PRKD1: variants seen among roughly 807,000 people sequenced by gnomAD.
PRKD1 encodes the protein serine/threonine-protein kinase D1.
PRKD1 carries 63 observed loss-of-function variants against 95.9 expected under a neutral mutation model. The observed-to-expected ratio is 0.66, with a 90% CI of 0.54 to 0.81. PRKD1 has a LOEUF of 0.81. Among genes scored for constraint, PRKD1 ranks in the 30% least tolerant of loss-of-function variants. The pLI is 0.00. For synonymous variants in PRKD1, 425 were observed against 423.1 expected, an observed-to-expected ratio of 1.00 and a Z score of -0.05; for missense variants, 1,048 against 1,165.3, an observed-to-expected ratio of 0.90 and a Z score of 1.47.
intron 1 of PRKD1, among the ~76,000 whole-genome samples, chr14:29,824,822 T>G (rs1379929836): frequency 1.3e-5 from 2 of 152,096 alleles, no homozygotes; most frequent in African/African-American, 4.8e-5. Context: ...TGAGGATATG[T>G]CTTACTTATA....
chr14:29,792,597 A>G (rs1457316750), intron 1 of PRKD1, among the ~76,000 whole-genome samples: 1 of 152,138 alleles, frequency 6.6e-6, no homozygotes, highest in East Asian at 1.9e-4. Context: ...CATTATAAAT[A>G]AGTCAACAAA....
chr14:29,699,637 TTAAA>T (rs1157416135), intron 2 of PRKD1, among the ~76,000 whole-genome samples: 2 of 152,208 alleles, frequency 1.3e-5, no homozygotes, highest in Non-Finnish European at 2.9e-5. Context: ...GTTTAGGAGT[TTAAA>T]TATTTGAGTA....
At chr14:29,806,478 C>T (rs45440892) in intron 1 of PRKD1, among the ~76,000 whole-genome samples, 212 of 152,198 alleles carry the variant, frequency 1.4e-3, no homozygotes, top group Admixed American at 3.1e-3. Context: ...ACAAGTAGAT[C>T]CAATCTGAAA....
At chr14:29,597,353 T>C in intron 16 of PRKD1, 138 bp downstream of exon 16, 1 of 870,022 alleles carries the variant, frequency 1.1e-6, no homozygotes, top group Non-Finnish European at 1.6e-6. Flanking sequence ...AATTAATTCG[T>C]GTCTTTGTGT....
intron 1 of PRKD1, among the ~76,000 whole-genome samples, chr14:29,817,709 C>T (rs1328708782): frequency 6.6e-6 from 1 of 152,074 alleles, no homozygotes; most frequent in Non-Finnish European, 1.5e-5. Flanking sequence ...GATTTGAACC[C>T]AAGCAGCAAG....
intron 16 of PRKD1, among the ~76,000 whole-genome samples, chr14:29,590,271 T>C (rs1893082404): frequency 6.6e-6 from 1 of 152,228 alleles, no homozygotes; most frequent in African/African-American, 2.4e-5. Context: ...ATCTTATTGT[T>C]TTCCTCCTTC....
At chr14:29,822,340 CT>C (rs1480524945) in intron 1 of PRKD1, among the ~76,000 whole-genome samples, 3 of 152,316 alleles carry the variant, frequency 2.0e-5, no homozygotes, top group Non-Finnish European at 4.4e-5. Flanking sequence ...TGAATTTCAT[CT>C]TACGGGCATT....
At chr14:29,746,696 G>C (rs1157078374) in intron 1 of PRKD1, among the ~76,000 whole-genome samples, 2 of 152,092 alleles carry the variant, frequency 1.3e-5, no homozygotes, top group Non-Finnish European at 2.9e-5. Context: ...TAAGTAGCTA[G>C]CATATTTTCA....
At chr14:29,757,438 C>T (rs1480817383) in intron 1 of PRKD1, among the ~76,000 whole-genome samples, 1 of 152,042 alleles carries the variant, frequency 6.6e-6, no homozygotes, top group Non-Finnish European at 1.5e-5. Context: ...TGAAGCATGA[C>T]ATGTAGCTGA....
intron 2 of PRKD1, among the ~76,000 whole-genome samples, chr14:29,699,288 A>C (rs1884702652): frequency 6.6e-6 from 1 of 152,174 alleles, no homozygotes; most frequent in Non-Finnish European, 1.5e-5. Flanking sequence ...ACAGTTTGTG[A>C]GGCTGCATAT....
At chr14:29,910,000 G>A (rs562362210) in intron 1 of PRKD1, among the ~76,000 whole-genome samples, 57 of 152,270 alleles carry the variant, frequency 3.7e-4, no homozygotes, top group Non-Finnish European at 7.4e-4. Context: ...CTGTAAAATG[G>A]ACCAATCAGC....
chr14:29,616,061 G>T (rs1320690276), intron 13 of PRKD1, among the ~76,000 whole-genome samples: 1 of 151,940 alleles, frequency 6.6e-6, no homozygotes, highest in Admixed American at 6.6e-5. Context: ...TCTCAAAATG[G>T]ATGACCTCGC....
At chr14:29,593,317 C>A (rs1317174775) in intron 16 of PRKD1, among the ~76,000 whole-genome samples, 3 of 152,082 alleles carry the variant, frequency 2.0e-5, no homozygotes, top group Non-Finnish European at 4.4e-5. Context: ...TCAAATCATA[C>A]CTTATTTTGC....
At chr14:29,706,268 C>A (rs560470978) in intron 2 of PRKD1, among the ~76,000 whole-genome samples, 291 of 152,198 alleles carry the variant, frequency 1.9e-3, no homozygotes, top group Admixed American at 4.3e-3. Context: ...TATTCAAATT[C>A]TTTGCCCATT....
At chr14:29,832,745 A>C (rs1891463206) in intron 1 of PRKD1, among the ~76,000 whole-genome samples, 1 of 152,096 alleles carries the variant, frequency 6.6e-6, no homozygotes, top group Non-Finnish European at 1.5e-5. Context: ...TTTAAGTGGA[A>C]CTATCCTTTC....
intron 1 of PRKD1, among the ~76,000 whole-genome samples, chr14:29,913,324 T>C (rs1305781511): frequency 6.6e-6 from 1 of 152,246 alleles, no homozygotes; most frequent in Non-Finnish European, 1.5e-5. Flanking sequence ...ATAAAATGTG[T>C]GCCCTAAGTC....
At chr14:29,626,135 C>T (rs978350724) in intron 12 of PRKD1, among the ~76,000 whole-genome samples, 9 of 152,034 alleles carry the variant, frequency 5.9e-5, no homozygotes, top group South Asian at 2.1e-4. Context: ...TGATCAAGTA[C>T]GCCAAAAGAA....
chr14:29,740,055 A>G (rs149743228), intron 1 of PRKD1, among the ~76,000 whole-genome samples: 19 of 152,316 alleles, frequency 1.2e-4, no homozygotes, highest in African/African-American at 4.3e-4. Flanking sequence ...TTGTTGTGTA[A>G]AAACATATTA....
At chr14:29,879,361 C>T (rs534217981) in intron 1 of PRKD1, among the ~76,000 whole-genome samples, 2 of 152,312 alleles carry the variant, frequency 1.3e-5, no homozygotes, top group South Asian at 2.1e-4. Flanking sequence ...ATACGTCTCA[C>T]GAAATCTGGT....
Sources: gnomAD v4.1 joint callset for allele counts (sites outside exome capture counted in the v4.1 genomes callset) on GRCh38, gnomAD v4.1.1 for gene constraint, MANE v1.5 for transcripts, NCBI Gene and HGNC (gene_info 2026-07-23, HGNC 2026-07-21) for gene names.